The following UBAP1 variants were observed in gnomAD, a reference collection of about 807,000 sequenced individuals.
The protein encoded by UBAP1 is ubiquitin associated protein 1, also known as ubiquitin-associated protein 1.
UBAP1 carries 5 observed loss-of-function variants against 39.0 expected under a neutral mutation model. That is an observed-to-expected ratio of 0.13 (90% CI 0.07 to 0.27). The LOEUF is 0.27. Among genes scored for constraint, UBAP1 ranks in the 10% least tolerant of loss-of-function variants. UBAP1 has a pLI of 1.00. For synonymous variants in UBAP1, 211 were observed against 225.1 expected, an observed-to-expected ratio of 0.94 and a Z score of 0.56; for missense variants, 490 against 608.1, an observed-to-expected ratio of 0.81 and a Z score of 2.04.
At chr9:34,214,464 C>G (rs554290587) in intron 1 of UBAP1, among the ~76,000 whole-genome samples, 102 of 152,180 alleles carry the variant, frequency 6.7e-4, no homozygotes, top group African/African-American at 2.3e-3. Context: ...ATTGGCTGGC[C>G]ATATGTAGGA....
At chr9:34,242,820 C>T (rs1225421916) in intron 4 of UBAP1, among the ~76,000 whole-genome samples, 1 of 152,042 alleles carries the variant, frequency 6.6e-6, no homozygotes, top group African/African-American at 2.4e-5. Flanking sequence ...CCGCTGTGTC[C>T]GGCCAGCTTA....
chr9:34,189,794 G>T (rs1830616636), intron 1 of UBAP1, among the ~76,000 whole-genome samples: 1 of 151,808 alleles, frequency 6.6e-6, no homozygotes, highest in Non-Finnish European at 1.5e-5. Flanking sequence ...GCTCCACCAT[G>T]CTCGATTAAT....
chr9:34,200,547 C>T (rs1191206225), intron 1 of UBAP1, among the ~76,000 whole-genome samples: 1 of 152,082 alleles, frequency 6.6e-6, no homozygotes, highest in African/African-American at 2.4e-5. Flanking sequence ...TTAATTTTTG[C>T]TAAACAGAAT....
Position 34,241,864 on chromosome 9 carries a change from C to A in UBAP1, c.839C>A (p.Thr280Lys). The A allele has an allele frequency of 6.2e-7, 1 of 1,614,102 alleles. No homozygotes were observed. Among genetic ancestry groups the A allele is most frequent in the Non-Finnish European group, 8.5e-7 (1 of 1,180,016 alleles). Residue 280 changes from threonine to lysine, a missense_variant, in exon 4 of 7, where the codon ACA (threonine) becomes AAA (lysine). Around this residue, in one of 3 missense-constraint regions of UBAP1, gnomAD observed 339 missense variants for 390.0 expected, o/e 0.87. Coordinates refer to ENST00000297661, the MANE Select transcript of UBAP1 (RefSeq NM_016525.5). Reference protein sequence around the residue: ...KLDSDDSNQKTAKLASTFHST... With the variant: ...KLDSDDSNQKKAKLASTFHST... The stretch of plus-strand genomic sequence containing the variant: ...GACTCTGATGACAGCAATCAGAAGA[C>A]AGCCAAGCTGGCGAGCACTTTCCAT...
intron 5 of UBAP1, 124 bp downstream of exon 5, chr9:34,250,085 C>T (rs1444675798): frequency 2.7e-5 from 28 of 1,038,942 alleles, no homozygotes; most frequent in Middle Eastern, 3.1e-4. Context: ...TGTGAGGACA[C>T]GGGGCATGTT....
chr9:34,197,168 C>T lies in UBAP1; in HGVS notation c.-8+17928C>T, dbSNP rs756905882. Among the ~76,000 whole-genome samples the T allele has an allele frequency of 2.0e-4, 30 of 152,042 alleles. 1 individual carries two copies. In the South Asian group the frequency reaches 3.1e-3, roughly 16 times the overall value. On this transcript the variant is annotated intron_variant, in intron 1 of 6. Coordinates refer to ENST00000297661, the MANE Select transcript of UBAP1 (RefSeq NM_016525.5). ...GCGTTGAACTCTTGACCTTGTGATC[C>T]GCTTGCCTTGGCCTCCCAAAGTGCT...
chr9:34,251,244 G>C (rs1451133084), intron 6 of UBAP1, 148 bp from the exon 7 acceptor site: 2 of 829,934 alleles, frequency 2.4e-6, no homozygotes, highest in African/African-American at 3.4e-5. Flanking sequence ...CTGCTTGCTA[G>C]GGGACCTTAT....
At chr9:34,231,491 G>A (rs1487779887) in intron 2 of UBAP1, among the ~76,000 whole-genome samples, 1 of 152,040 alleles carries the variant, frequency 6.6e-6, no homozygotes, top group Non-Finnish European at 1.5e-5. Context: ...TTACAGGCGT[G>A]AGCCACCGGT....
chr9:34,181,057 G>T (rs1433025002), intron 1 of UBAP1, among the ~76,000 whole-genome samples: 1 of 150,192 alleles, frequency 6.7e-6, no homozygotes, highest in Non-Finnish European at 1.5e-5. Flanking sequence ...TAATCCTCCG[G>T]CCTTGGTCTC....
At chr9:34,248,856 C>T (rs1004551022) in intron 4 of UBAP1, among the ~76,000 whole-genome samples, 3 of 152,202 alleles carry the variant, frequency 2.0e-5, no homozygotes, top group African/African-American at 7.2e-5. Context: ...TTTGTGTGAA[C>T]ATCTTCCCTG....
intron 1 of UBAP1, among the ~76,000 whole-genome samples, chr9:34,186,570 G>T (rs1830417979): frequency 6.6e-6 from 1 of 152,002 alleles, no homozygotes; most frequent in Non-Finnish European, 1.5e-5. Flanking sequence ...TTCTAATCTG[G>T]TGGGTTTGAA....
At chr9:34,190,532 C>G (rs1221324678) in intron 1 of UBAP1, among the ~76,000 whole-genome samples, 1 of 151,872 alleles carries the variant, frequency 6.6e-6, no homozygotes, top group Admixed American at 6.6e-5. Context: ...TCAGGGGATC[C>G]ACCTTCCTCA....
chr9:34,243,735 C>T (rs1203211170), intron 4 of UBAP1, among the ~76,000 whole-genome samples: 1 of 152,082 alleles, frequency 6.6e-6, no homozygotes, highest in Non-Finnish European at 1.5e-5. Flanking sequence ...AGTGATCCAC[C>T]CGCCTCAGCC....
intron 2 of UBAP1, among the ~76,000 whole-genome samples, chr9:34,221,357 G>A (rs889084930): frequency 2.0e-5 from 3 of 151,806 alleles, no homozygotes; most frequent in East Asian, 1.9e-4. Context: ...GTGAAACCCC[G>A]TCTCTACTAA....
chr9:34,197,662 G>A (rs35087691), intron 1 of UBAP1, among the ~76,000 whole-genome samples: 6,238 of 152,160 alleles, frequency 0.041, 170 homozygotes, highest in Middle Eastern at 0.075. Flanking sequence ...TGATTGTCCT[G>A]CCTCAGCCTC....
At chr9:34,234,073 A>G in intron 2 of UBAP1, 143 bp from the exon 3 acceptor site, 1 of 773,100 alleles carries the variant, frequency 1.3e-6, no homozygotes, top group South Asian at 2.2e-5. Context: ...GGGTCAAGGA[A>G]AAGGTAAGCA....
chr9:34,196,537 G>A (rs918354649), intron 1 of UBAP1, among the ~76,000 whole-genome samples: 1 of 151,844 alleles, frequency 6.6e-6, no homozygotes, highest in Non-Finnish European at 1.5e-5. Flanking sequence ...GGCTGGTCTC[G>A]AACTCCTGAC....
intron 1 of UBAP1, chr9:34,201,612 T>C (rs944187011): frequency 6.6e-6 from 1 of 152,282 alleles, no homozygotes; most frequent in East Asian, 1.9e-4. Context: ...CTTATTTTTT[T>C]CTACTCACAC....
At chr9:34,202,672 TGTGTGTCCCC>T (rs1398422830) in intron 1 of UBAP1, among the ~76,000 whole-genome samples, 6 of 144,090 alleles carry the variant, frequency 4.2e-5, no homozygotes, top group Non-Finnish European at 6.2e-5. Flanking sequence ...TGTGTGTGTG[TGTGTGTCCCC>T]GTCCCCGTAT....
Sources: allele counts gnomAD v4.1 joint callset (sites outside exome capture counted in the v4.1 genomes callset), GRCh38; gene constraint gnomAD v4.1.1; regional missense constraint gnomAD v4.1.1; transcripts MANE v1.5; gene names NCBI Gene and HGNC (gene_info 2026-07-23, HGNC 2026-07-21).